The following C8B variants were observed in gnomAD, a reference collection of about 807,000 sequenced individuals.
C8B encodes complement component C8 beta chain.
Under a neutral mutation model 64.6 loss-of-function variants are expected in C8B, and 67 were observed. That is an observed-to-expected ratio of 1.04 (90% CI 0.85 to 1.27). The LOEUF (loss-of-function observed/expected upper bound fraction) is 1.27, where lower values mean the gene tolerates loss of function less well. Among genes scored for constraint, C8B ranks in the 50% most tolerant of loss-of-function variants. The pLI is 0.00. For missense variants in C8B, 790 were observed against 725.2 expected (o/e 1.09, Z -1.03); for synonymous variants, 284 against 257.7 (o/e 1.10, Z -0.98).
chr1:56,960,896 C>T (rs376871495), intron 1 of C8B, among the ~76,000 whole-genome samples: 3 of 151,854 alleles, frequency 2.0e-5, no homozygotes, highest in African/African-American at 7.2e-5. Flanking sequence ...GAAACACCTA[C>T]GGAGACTCAT....
rs1425882423 is a variant in C8B, at chr1:56,954,689, C to A, written c.530G>T (p.Ser177Ile). The change falls in exon 4 of 12, where the codon AGT becomes ATT. Residue 177 changes from serine (S) to isoleucine (I), a missense_variant. Coordinates refer to ENST00000371237, the MANE Select transcript of C8B (RefSeq NM_000066.4). Reference protein sequence around the residue: ...DQYWGIGSLASGINLFTNSFE... With the variant: ...DQYWGIGSLAIGINLFTNSFE... ...CCACAGAAAAATGGTCACTTACCCA[C>A]TGGCCAGACTGCCAATTCCCCAGTA... 1 of 1,614,218 alleles carries A rather than the reference C, an allele frequency of 6.2e-7. No individual in the cohort carries two copies.
rs1366289338 is a variant in C8B, at chr1:56,941,011, G to T, written c.1236C>A (p.Asp412Glu). 1 of 1,613,946 alleles carries T rather than the reference G, an allele frequency of 6.2e-7. No homozygotes were observed. The highest frequency in any genetic ancestry group is 2.2e-5 in the East Asian group (1 of 44,846). The change falls in exon 9 of 12, where the codon GAC (aspartate) becomes GAA (glutamate). Residue 412 changes from aspartate to glutamate, a missense_variant and splice_region_variant. Transcript: ENST00000371237. ...KCRGILNEIK[D>E]RNKRDTMVED... ...CCACCATGGTGTCCCTCTTGTTTCT[G>T]TCTGGAATGGACACAGAGCTAGCAG...
rs1645029552 is a variant in C8B, at chr1:56,952,086, A to G, written c.628T>C (p.Phe210Leu). 1 of 1,614,068 alleles carries G rather than the reference A, an allele frequency of 6.2e-7. No individual in the cohort carries two copies. Among genetic ancestry groups the G allele is most frequent in the East Asian group, 2.2e-5 (1 of 44,858 alleles). The change falls in exon 5 of 12, where the codon TTT becomes CTT. Residue 210 changes from phenylalanine (F) to leucine (L), a missense_variant. Transcript: ENST00000371237. ...CTTTCCACATTGTAGGGCTTCCTAA[A>G]CCTCGTGTTCAGGATGTAATGCGGG... Reference protein sequence around the residue: ...CSPHYILNTRFRKPYNVESYT... With the variant: ...CSPHYILNTRLRKPYNVESYT...
intron 9 of C8B, among the ~76,000 whole-genome samples, chr1:56,934,330 G>A (rs1029612044): frequency 3.3e-5 from 5 of 152,100 alleles, no homozygotes; most frequent in South Asian, 2.1e-4. Context: ...ATGGATGAGA[G>A]GGTTTGGCTG....
chr1:56,946,736 A>T (rs935939010), intron 6 of C8B, among the ~76,000 whole-genome samples: 7 of 152,232 alleles, frequency 4.6e-5, no homozygotes, highest in Admixed American at 6.5e-5. Flanking sequence ...AAAGCTGGTG[A>T]TGCCAGATGA....
In C8B at chr1:56,946,040, G is replaced by A. The variant is rs147180727; in HGVS notation, c.886C>T (p.Arg296Cys). Residue 296 changes from arginine to cysteine, a missense_variant, in exon 7 of 12, where the codon CGC becomes TGC. Physicochemically the swap from Arg to Cys is radical, Grantham distance 180. Transcript: ENST00000371237. ...TAATGTGCTACTTCAAGGTCAGAGC[G>A]TGCATGCAGAAATACGCTTTTCTAA... ...SHTKSVFLHARSDLEVAHYKL... is the reference protein window; with the variant it reads ...SHTKSVFLHACSDLEVAHYKL... 55 of 1,614,008 alleles carry A rather than the reference G, an allele frequency of 3.4e-5. No homozygotes were observed. The Middle Eastern group carries it at 4.9e-4, about 14-fold the overall frequency.
At chr1:56,940,723 G>A (rs111545650) in intron 9 of C8B, 126 bp downstream of exon 9, 106 of 974,426 alleles carry the variant, frequency 1.1e-4, no homozygotes, top group South Asian at 6.9e-4. Context: ...TTCTACTATC[G>A]TATATGTGTC....
intron 2 of C8B, 118 bp from the exon 3 acceptor site, chr1:56,957,028 G>A: frequency 9.7e-7 from 1 of 1,034,262 alleles, no homozygotes; most frequent in Non-Finnish European, 1.5e-6. Context: ...GCACTGAAAT[G>A]TCTGATCATC....
intron 9 of C8B, among the ~76,000 whole-genome samples, chr1:56,933,784 C>T (rs888506516): frequency 2.0e-5 from 3 of 152,194 alleles, no homozygotes; most frequent in Admixed American, 2.0e-4. Context: ...TCGAGAGAGA[C>T]AGACAAACAT....
chr1:56,956,878 C>T lies in C8B; in HGVS notation c.282G>A (p.Gln94=), dbSNP rs1645111948. Residue 94 remains glutamine (Q), a synonymous_variant, in exon 3 of 12, where the codon CAG becomes CAA. Coordinates refer to ENST00000371237, the MANE Select transcript of C8B (RefSeq NM_000066.4). ...YRYAYLLQPS[Q]FHGEPCNFSD... is the part of the protein sequence containing the mutation. ...AGAAGTTGCACGGTTCCCCATGGAA[C>T]TGAGAGGGCTGGAGCAAGTAGGCAT... The T allele has an allele frequency of 1.2e-6, 2 of 1,614,094 alleles. No individual in the cohort carries two copies. Among genetic ancestry groups the T allele is most frequent in the Non-Finnish European group, 8.5e-7 (1 of 1,180,002 alleles).
chr1:56,961,408 A>T (rs1645178385), intron 1 of C8B, among the ~76,000 whole-genome samples: 1 of 152,154 alleles, frequency 6.6e-6, no homozygotes, highest in African/African-American at 2.4e-5. Flanking sequence ...GCTGTGGAGC[A>T]CTGCCACCTG....
chr1:56,953,845 A>C (rs965464943), intron 4 of C8B, among the ~76,000 whole-genome samples: 2 of 152,132 alleles, frequency 1.3e-5, no homozygotes, highest in African/African-American at 4.8e-5. Flanking sequence ...CCTGGAACTC[A>C]CTCAACTTTC....
At chr1:56,946,206 C>A in intron 6 of C8B, 145 bp from the exon 7 acceptor site, 1 of 926,834 alleles carries the variant, frequency 1.1e-6, no homozygotes, top group South Asian at 1.4e-5. Context: ...GGGAAGACAG[C>A]CTCTTTGACA....
At chr1:56,937,894 C>T (rs930672708) in intron 9 of C8B, among the ~76,000 whole-genome samples, 1 of 152,186 alleles carries the variant, frequency 6.6e-6, no homozygotes, top group African/African-American at 2.4e-5. Context: ...TCCTTCAAGA[C>T]TCCTCAGTTG....
intron 6 of C8B, 76 bp from the exon 7 acceptor site, chr1:56,946,137 T>C (rs1448123210): frequency 1.9e-6 from 3 of 1,554,478 alleles, no homozygotes; most frequent in South Asian, 1.1e-5. Flanking sequence ...ACTTTACAAA[T>C]ACCATCCGAT....
chr1:56,955,990 G>A (rs958085554), intron 3 of C8B, among the ~76,000 whole-genome samples: 1 of 152,154 alleles, frequency 6.6e-6, no homozygotes, highest in Non-Finnish European at 1.5e-5. Flanking sequence ...ATTCATTTCT[G>A]TACTCCTTTC....
intron 1 of C8B, among the ~76,000 whole-genome samples, chr1:56,961,540 C>T (rs909653704): frequency 2.0e-5 from 3 of 152,072 alleles, no homozygotes; most frequent in Non-Finnish European, 4.4e-5. Context: ...GGGTTTTGTC[C>T]GTTGCCCCAT....
At chr1:56,934,462 A>G (rs565184752) in intron 9 of C8B, among the ~76,000 whole-genome samples, 386 of 152,278 alleles carry the variant, frequency 2.5e-3, no homozygotes, top group African/African-American at 8.6e-3. Context: ...AGAGGCACAG[A>G]CAGTCCAAAT....
chr1:56,929,295 C>A lies in C8B; in HGVS notation c.*109G>T. ...TTTTAAACAGCTTGCATGGCACTGC[C>A]TTTTGCCCTTGCATGAACTCCAGGT... On this transcript the variant is annotated 3_prime_UTR_variant, in exon 12 of 12. Coordinates refer to ENST00000371237, the MANE Select transcript of C8B (RefSeq NM_000066.4). 1.8e-6 allele frequency: 2 copies of A among 1,137,734 alleles called. No individual in the cohort carries two copies. Among genetic ancestry groups the A allele is most frequent in the South Asian group, 2.5e-5 (2 of 81,192 alleles). 70.5% of individuals were successfully genotyped at this position (1,137,734 alleles called of 1,614,324 possible). A position where few individuals can be genotyped will look rare whatever the true frequency, so the allele number is the denominator to read the frequency against.
Sources: gnomAD v4.1 joint callset for allele counts (sites outside exome capture counted in the v4.1 genomes callset) on GRCh38, gnomAD v4.1.1 for gene constraint, MANE v1.5 for transcripts, NCBI Gene and HGNC (gene_info 2026-07-23, HGNC 2026-07-21) for gene names.